Variants in SYNE3 observed in about 807,000 individuals in gnomAD.
SYNE3 encodes nesprin-3.
SYNE3 carries 100 observed loss-of-function variants against 111.2 expected under a neutral mutation model. The observed-to-expected ratio is 0.90, with a 90% confidence interval of 0.77 to 1.06. SYNE3 has a LOEUF of 1.06. Ranked by LOEUF, SYNE3 falls within the 50% of genes least tolerant of loss-of-function variation. The probability of loss-of-function intolerance (pLI) is 0.00; values close to 1 mark genes in which losing one functional copy is unlikely to be tolerated. For missense variants in SYNE3, 1,160 were observed against 1,240.3 expected, an observed-to-expected ratio of 0.94 and a Z score of 0.97; for synonymous variants, 547 against 533.9, an observed-to-expected ratio of 1.02 and a Z score of -0.34.
At chr14:95,464,052 C>T (rs775135562) in intron 4 of SYNE3, among the ~76,000 whole-genome samples, 17 of 152,228 alleles carry the variant, frequency 1.1e-4, no homozygotes, top group Admixed American at 9.2e-4. Context: ...CCTTCCCAAG[C>T]GCCAGAGCCT....
Position 95,409,320 on chromosome 14 carries a change from C to T in SYNE3, c.*8506G>A, listed in dbSNP as rs772053610. 37 of 456,602 alleles carry T rather than the reference C, an allele frequency of 8.1e-5. No individual in the cohort carries two copies. The highest frequency in any genetic ancestry group is 2.0e-4 in the South Asian group (13 of 64,570). 28.3% of individuals were successfully genotyped at this position (456,602 alleles called of 1,614,324 possible). ...GAAAGTGTCATGACCATATTGCAGG[C>T]GCTCGGGGTATGTTTTCTTCCCTCC... On this transcript the variant is annotated 3_prime_UTR_variant, in exon 18 of 18. Coordinates refer to ENST00000682763, the MANE Select transcript of SYNE3 (RefSeq NM_152592.6).
chr14:95,437,294 CTCTG>C (rs1385679833), intron 14 of SYNE3, among the ~76,000 whole-genome samples: 3 of 152,220 alleles, frequency 2.0e-5, no homozygotes, highest in Admixed American at 1.3e-4. Context: ...GACCGGAGTG[CTCTG>C]TCTATGATGC....
At chr14:95,436,030 G>A (rs1158776661) in intron 15 of SYNE3, among the ~76,000 whole-genome samples, 1 of 152,208 alleles carries the variant, frequency 6.6e-6, no homozygotes, top group Non-Finnish European at 1.5e-5. Context: ...GAATCAAGGA[G>A]CTTTAGCAAC....
At chr14:95,486,326 C>A (rs1017745935) in intron 1 of SYNE3, among the ~76,000 whole-genome samples, 4 of 152,246 alleles carry the variant, frequency 2.6e-5, no homozygotes, top group African/African-American at 7.2e-5. Flanking sequence ...ACCCAGCACC[C>A]TTGACAACAT....
chr14:95,462,101 G>A lies in SYNE3; in HGVS notation c.627+3830C>T, dbSNP rs552699370. On this transcript the variant is annotated intron_variant, in intron 4 of 17. Coordinates refer to ENST00000682763, the MANE Select transcript of SYNE3 (RefSeq NM_152592.6). ...AGAACATGGCACCCTCTGGATCCACGAAAGCTCCATCCATAGAATCTGGTG... is the reference window on the plus strand; with the variant it reads ...AGAACATGGCACCCTCTGGATCCACAAAAGCTCCATCCATAGAATCTGGTG... Among the ~76,000 whole-genome samples, 25 of 152,302 alleles carry A rather than the reference G, an allele frequency of 1.6e-4. 1 individual carries two copies. The highest frequency in any genetic ancestry group is 2.8e-4 in the Non-Finnish European group (19 of 68,018).
chr14:95,457,990 G>C (rs74082144), intron 4 of SYNE3, among the ~76,000 whole-genome samples: 4,896 of 152,278 alleles, frequency 0.032, 234 homozygotes, highest in African/African-American at 0.11. Flanking sequence ...ACGGTGATGT[G>C]TGTTGCATGG....
At chr14:95,461,311 G>T (rs990938719) in intron 4 of SYNE3, among the ~76,000 whole-genome samples, 1 of 152,236 alleles carries the variant, frequency 6.6e-6, no homozygotes, top group Non-Finnish European at 1.5e-5. Context: ...AAGCAGCGGG[G>T]GTGAGGATGC....
At chr14:95,457,707 G>T (rs1051614119) in intron 4 of SYNE3, among the ~76,000 whole-genome samples, 9 of 152,174 alleles carry the variant, frequency 5.9e-5, no homozygotes, top group African/African-American at 2.2e-4. Context: ...TCGCCAAGGT[G>T]CTGGGCACTG....
chr14:95,455,258 G>A (rs1887341500), intron 6 of SYNE3, 119 bp downstream of exon 6: 2 of 770,776 alleles, frequency 2.6e-6, no homozygotes, highest in East Asian at 2.9e-5. Context: ...GAATCCCGGA[G>A]AAACAGAGTG....
rs545556013 is a variant in SYNE3 at position 95,408,876 on chromosome 14, C to G, written c.*8950G>C. 1.2e-5 allele frequency: 4 copies of G among 340,214 alleles called. No individual in the cohort carries two copies. The highest frequency in any genetic ancestry group is 4.3e-5 in the African/African-American group (2 of 46,504). The allele number at this position is 340,214 out of a possible 1,614,324, so 21.1% of individuals were successfully genotyped here. ...GCCAACTCTGTCCTCTGCCTGCCCC[C>G]GCAAGGGCTGGCCTGTCCGTGCTTT... On this transcript the variant is annotated 3_prime_UTR_variant, in exon 18 of 18. Coordinates refer to ENST00000682763, the MANE Select transcript of SYNE3 (RefSeq NM_152592.6).
At chr14:95,433,192 C>T in intron 16 of SYNE3, 68 bp downstream of exon 16, 2 of 1,568,926 alleles carry the variant, frequency 1.3e-6, no homozygotes, top group East Asian at 2.2e-5. Flanking sequence ...CACTGTATCC[C>T]CAGGCAAATA....
Position 95,455,395 on chromosome 14 carries a change from T to C in SYNE3, c.1119A>G (p.Ala373=), listed in dbSNP as rs776715451. 1.3e-6 allele frequency: 2 copies of C among 1,548,536 alleles called. No individual in the cohort carries two copies. The highest frequency in any genetic ancestry group is 1.7e-6 in the Non-Finnish European group (2 of 1,148,064). The change falls in exon 6 of 18, where the codon GCA becomes GCG. Residue 373 remains alanine (A), a synonymous_variant. Transcript: ENST00000682763. ...AKAGTEDELV[A]HWRRYSATRA... is the part of the protein sequence containing the mutation. ...CGCTTACCGAGTAGCGTCTCCAGTG[T>C]GCCACCAGCTCGTCCTCGGTCCCCG... is the stretch of plus-strand genomic sequence containing the variant.
intron 15 of SYNE3, among the ~76,000 whole-genome samples, chr14:95,434,257 A>G (rs1271759259): frequency 6.6e-6 from 1 of 152,194 alleles, no homozygotes; most frequent in Non-Finnish European, 1.5e-5. Context: ...CCGGGCCACA[A>G]CTTGGGAAAG....
At chr14:95,453,036 C>A (rs1046907772) in intron 6 of SYNE3, among the ~76,000 whole-genome samples, 17 of 152,186 alleles carry the variant, frequency 1.1e-4, no homozygotes, top group Non-Finnish European at 1.8e-4. Flanking sequence ...GACTCTCAGC[C>A]CCTTGCTTGG....
intron 1 of SYNE3, among the ~76,000 whole-genome samples, chr14:95,509,103 C>T (rs76148354): frequency 0.1 from 15,218 of 152,274 alleles, 932 homozygotes; most frequent in Non-Finnish European, 0.13. Flanking sequence ...TGGGGAATCA[C>T]TCTTGAAACT....
intron 8 of SYNE3, among the ~76,000 whole-genome samples, chr14:95,447,989 G>A (rs1259545567): frequency 3.9e-5 from 6 of 152,148 alleles, no homozygotes; most frequent in Admixed American, 6.5e-5. Flanking sequence ...TGGATACACC[G>A]AATTATGTCA....
intron 1 of SYNE3, among the ~76,000 whole-genome samples, chr14:95,510,194 G>C (rs1890672858): frequency 6.6e-6 from 1 of 152,148 alleles, no homozygotes; most frequent in Admixed American, 6.5e-5. Context: ...ACTAAGCCCT[G>C]CCCCATGGGG....
chr14:95,420,781 G>A (rs923025508), intron 17 of SYNE3, among the ~76,000 whole-genome samples: 2 of 151,908 alleles, frequency 1.3e-5, no homozygotes, highest in Admixed American at 6.6e-5. Context: ...AAGCCAACAA[G>A]AAAAATGACA....
chr14:95,489,725 A>T (rs756196765), intron 1 of SYNE3, among the ~76,000 whole-genome samples: 1 of 151,882 alleles, frequency 6.6e-6, no homozygotes, highest in Admixed American at 6.6e-5. Flanking sequence ...CTGGGACTAC[A>T]GTCACGAGCC....
Sources: gnomAD v4.1 joint callset for allele counts (sites outside exome capture counted in the v4.1 genomes callset) on GRCh38, gnomAD v4.1.1 for gene constraint, MANE v1.5 for transcripts, NCBI Gene and HGNC (gene_info 2026-07-23, HGNC 2026-07-21) for gene names.